The following SCHIP1 variants were observed in gnomAD, a reference collection of about 807,000 sequenced individuals.
SCHIP1 encodes schwannomin interacting protein 1.
In SCHIP1, 8 loss-of-function variants were observed where a neutral mutation model predicts 29.7. The observed-to-expected ratio is 0.27, with a 90% confidence interval of 0.16 to 0.49. The LOEUF is 0.49. SCHIP1 is among the 20% of genes least tolerant of loss of function. SCHIP1 has a pLI of 0.99. For synonymous variants in SCHIP1, 76 were observed against 94.9 expected (o/e 0.80, Z 1.16); for missense variants, 193 against 294.6 (o/e 0.66, Z 2.52).
rs555093599 is a variant in SCHIP1, at chr3:159,891,887, G to A, written c.590-210G>A. ...TTCCCACCTTAATATGAAGGTAATT[G>A]GAAATAGTTCGTACTTTACTCCTTT... On this transcript the variant is annotated intron_variant, in intron 5 of 6. Coordinates refer to ENST00000445224, the Ensembl canonical transcript of SCHIP1. Among the ~76,000 whole-genome samples, 3 of 152,234 alleles carry A rather than the reference G, an allele frequency of 2.0e-5. No homozygotes were observed. The East Asian group carries it at 5.8e-4, about 29-fold the overall frequency.
the SCHIP1 span, among the ~76,000 whole-genome samples, chr3:159,775,327 G>C: frequency 6.6e-6 from 1 of 152,192 alleles, no homozygotes. Flanking sequence ...ATTTGCCACA[G>C]GTTGCTGGAG....
At chr3:159,372,949 AG>A in the SCHIP1 span, among the ~76,000 whole-genome samples, 4 of 152,054 alleles carry the variant, frequency 2.6e-5, no homozygotes, top group Admixed American at 2.0e-4. Flanking sequence ...TTATAGAAAA[AG>A]TTTGCTGACT....
At chr3:159,587,948 T>G in the SCHIP1 span, among the ~76,000 whole-genome samples, 3 of 152,230 alleles carry the variant, frequency 2.0e-5, no homozygotes, top group African/African-American at 4.8e-5. Flanking sequence ...TGTGTCTTTA[T>G]AGCAGCATGA....
At chr3:159,786,090 G>C in the SCHIP1 span, among the ~76,000 whole-genome samples, 1 of 152,008 alleles carries the variant, frequency 6.6e-6, no homozygotes, top group Non-Finnish European at 1.5e-5. Flanking sequence ...TGTTAATAAG[G>C]TTCATTATAA....
At chr3:159,369,776 T>C in the SCHIP1 span, among the ~76,000 whole-genome samples, 2 of 152,182 alleles carry the variant, frequency 1.3e-5, no homozygotes, top group Non-Finnish European at 2.9e-5. Flanking sequence ...ATTTTAAATA[T>C]TCAACATATG....
At chr3:159,577,344 T>G in the SCHIP1 span, among the ~76,000 whole-genome samples, 1 of 152,212 alleles carries the variant, frequency 6.6e-6, no homozygotes, top group Admixed American at 6.5e-5. Flanking sequence ...TTGCTGAAGT[T>G]CATCTGAGGT....
chr3:159,488,774 A>G, the SCHIP1 span, among the ~76,000 whole-genome samples: 1 of 152,220 alleles, frequency 6.6e-6, no homozygotes, highest in Non-Finnish European at 1.5e-5. Context: ...CATAGGAAAA[A>G]AACAACACTA....
the SCHIP1 span, among the ~76,000 whole-genome samples, chr3:159,754,757 G>C: frequency 2.1e-4 from 32 of 152,178 alleles, no homozygotes; most frequent in Admixed American, 2.1e-3. Context: ...CAGTCTCCCT[G>C]ACTCTTTCAT....
the SCHIP1 span, among the ~76,000 whole-genome samples, chr3:159,646,270 C>G: frequency 2.0e-5 from 3 of 152,158 alleles, no homozygotes; most frequent in African/African-American, 7.2e-5. Context: ...TAGCTATTAT[C>G]ACTTAGCTGT....
chr3:159,449,964 G>A, the SCHIP1 span, among the ~76,000 whole-genome samples: 1 of 151,954 alleles, frequency 6.6e-6, no homozygotes, highest in African/African-American at 2.4e-5. Context: ...AGAGAGGGAA[G>A]AGAAGAGGAA....
the SCHIP1 span, among the ~76,000 whole-genome samples, chr3:159,536,670 G>T: frequency 6.6e-6 from 1 of 152,120 alleles, no homozygotes; most frequent in African/African-American, 2.4e-5. Context: ...CCCTCTAGAG[G>T]TATCACCTAA....
chr3:159,689,749 CTTA>C, the SCHIP1 span, among the ~76,000 whole-genome samples: 2 of 152,074 alleles, frequency 1.3e-5, no homozygotes, highest in South Asian at 4.1e-4. Flanking sequence ...ATAAATAGCT[CTTA>C]TTATTTTGAG....
the SCHIP1 span, among the ~76,000 whole-genome samples, chr3:159,607,059 G>A: frequency 8.5e-5 from 13 of 152,264 alleles, no homozygotes; most frequent in South Asian, 4.1e-4. Context: ...CCCTTTTCAC[G>A]GGCTAAACTG....
At chr3:159,694,231 A>ACTAACACTAACC in the SCHIP1 span, among the ~76,000 whole-genome samples, 4 of 150,282 alleles carry the variant, frequency 2.7e-5, no homozygotes, top group African/African-American at 9.9e-5. Context: ...CATGCCTAAC[A>ACTAACACTAACC]CTAACCCTAA....
intron 2 of SCHIP1, among the ~76,000 whole-genome samples, chr3:159,868,405 C>T (rs1714893714): frequency 1.3e-5 from 2 of 152,078 alleles, no homozygotes; most frequent in South Asian, 4.1e-4. Context: ...TTTTACAGCC[C>T]TCCCAAAGAC....
chr3:159,598,327 A>G, the SCHIP1 span, among the ~76,000 whole-genome samples: 1 of 152,194 alleles, frequency 6.6e-6, no homozygotes. Context: ...AGGCAAGGCA[A>G]GTCCCTTCCA....
the SCHIP1 span, among the ~76,000 whole-genome samples, chr3:159,708,013 C>G: frequency 6.6e-6 from 1 of 152,174 alleles, no homozygotes; most frequent in African/African-American, 2.4e-5. Context: ...CTTCCTCCCT[C>G]TCTTCAAAAT....
chr3:159,750,294 T>TACAC, the SCHIP1 span, among the ~76,000 whole-genome samples: 7 of 136,182 alleles, frequency 5.1e-5, no homozygotes, highest in African/African-American at 1.7e-4. Context: ...TATATATATA[T>TACAC]ATACACACAC....
the SCHIP1 span, among the ~76,000 whole-genome samples, chr3:159,580,747 CA>C: frequency 6.6e-6 from 1 of 152,136 alleles, no homozygotes; most frequent in Non-Finnish European, 1.5e-5. Context: ...AACTGAGATA[CA>C]AGTTGTAAGT....
Sources: allele counts gnomAD v4.1 joint callset (sites outside exome capture counted in the v4.1 genomes callset), GRCh38; gene constraint gnomAD v4.1.1; transcripts MANE v1.5; gene names NCBI Gene and HGNC (gene_info 2026-07-23, HGNC 2026-07-21).